The following ERICH1 variants were observed in gnomAD, a reference collection of about 807,000 sequenced individuals.
ERICH1 encodes the protein glutamate-rich protein 1.
ERICH1 carries 56 observed loss-of-function variants against 39.6 expected under a neutral mutation model. That is an observed-to-expected ratio of 1.41 (90% CI 1.14 to 1.77). The LOEUF (loss-of-function observed/expected upper bound fraction) is 1.77, where lower values mean the gene tolerates loss of function less well. ERICH1 is among the 40% of genes most tolerant of loss of function. The probability of loss-of-function intolerance (pLI) is 0.00; values close to 1 mark genes in which losing one functional copy is unlikely to be tolerated. For synonymous variants in ERICH1, 313 were observed against 223.6 expected, an observed-to-expected ratio of 1.40 and a Z score of -3.57; for missense variants, 826 against 575.4, an observed-to-expected ratio of 1.44 and a Z score of -4.45.
chr8:671,677 C>A lies in ERICH1; in HGVS notation c.1063+1612G>T, dbSNP rs950170824. On this transcript the variant is annotated intron_variant, in intron 4 of 5. Coordinates refer to ENST00000262109, the MANE Select transcript of ERICH1 (RefSeq NM_207332.3). Reference sequence around the variant, plus strand: ...AACCTGCCGGCCCCGGCCCTAATGTCTGTGCTCACTGGGCTCCAGGCTGCG... The same window carrying A: ...AACCTGCCGGCCCCGGCCCTAATGTATGTGCTCACTGGGCTCCAGGCTGCG... 7 of 162,112 alleles carry A rather than the reference C, an allele frequency of 4.3e-5. No individual in the cohort carries two copies. The South Asian group carries it at 8.1e-4, about 19-fold the overall frequency. 10.0% of individuals were successfully genotyped at this position (162,112 alleles called of 1,614,324 possible).
chr8:624,284 G>C (rs1797465976), intron 3 of ERICH1, among the ~76,000 whole-genome samples: 1 of 152,112 alleles, frequency 6.6e-6, no homozygotes, highest in Non-Finnish European at 1.5e-5. Context: ...CCACTGAGAT[G>C]AGGAACCAAG....
intron 2 of ERICH1, 138 bp from the exon 3 acceptor site, chr8:692,750 T>C: frequency 7.8e-6 from 8 of 1,025,132 alleles, no homozygotes; most frequent in South Asian, 1.8e-5. Flanking sequence ...ACCTAACCAC[T>C]GTCATAAATA....
chr8:656,656 T>A, intron 3 of ERICH1: 2 of 802,894 alleles, frequency 2.5e-6, no homozygotes, highest in Non-Finnish European at 1.5e-6. Context: ...AGTGTGGAAT[T>A]TTGGGGCTTA....
At chr8:728,623 T>C (rs911256054) in intron 1 of ERICH1, among the ~76,000 whole-genome samples, 4 of 152,154 alleles carry the variant, frequency 2.6e-5, no homozygotes, top group African/African-American at 9.7e-5. Context: ...TCTCCCTGGG[T>C]AGAATGGAGG....
chr8:701,513 C>G (rs1044367119), intron 2 of ERICH1, among the ~76,000 whole-genome samples: 18 of 152,310 alleles, frequency 1.2e-4, no homozygotes, highest in African/African-American at 4.3e-4. Context: ...GACGCAGGCC[C>G]AGGACAGAGC....
At chr8:671,629 T>C (rs1455168687) in intron 4 of ERICH1, among the ~76,000 whole-genome samples, 1 of 151,088 alleles carries the variant, frequency 6.6e-6, no homozygotes, top group Admixed American at 6.6e-5. Context: ...CTGAGCGCAC[T>C]GGTCCCCAGG....
chr8:673,491 C>T lies in ERICH1; in HGVS notation c.861G>A (p.Glu287=). 1 of 1,613,226 alleles carries T rather than the reference C, an allele frequency of 6.2e-7. No homozygotes were observed. Among genetic ancestry groups the T allele is most frequent in the Non-Finnish European group, 8.5e-7 (1 of 1,179,704 alleles). The stretch of plus-strand genomic sequence containing the variant: ...CCTCCCTGGTGTCTTTACCGTCTTC[C>T]TCCCCGGCCCGTGTCAGGTCTTCCT... ...TIEEDLTRAG[E]EDGKDTREED... The change falls in exon 4 of 6, where the codon GAG becomes GAA. Residue 287 remains glutamate (E), a synonymous_variant. Transcript: ENST00000262109.
intron 2 of ERICH1, among the ~76,000 whole-genome samples, chr8:709,423 C>G (rs141374814): frequency 1.3e-5 from 2 of 152,330 alleles, no homozygotes; most frequent in East Asian, 3.9e-4. Context: ...GTGTGCCCAC[C>G]AATCCTGATT....
chr8:664,351 G>T lies in ERICH1; in HGVS notation c.*252C>A, dbSNP rs577514098. On this transcript the variant is annotated 3_prime_UTR_variant, in exon 6 of 6. Coordinates refer to ENST00000262109, the MANE Select transcript of ERICH1 (RefSeq NM_207332.3). ...CCATTTTCAATTTTTACAATAAGTA[G>T]AGAAACAGAATCAAGTTTTATGTAG... 3 of 1,129,832 alleles carry T rather than the reference G, an allele frequency of 2.7e-6. No individual in the cohort carries two copies. The East Asian group carries it at 1.4e-4, about 52-fold the overall frequency. 70.0% of individuals were successfully genotyped at this position (1,129,832 alleles called of 1,614,324 possible).
chr8:620,209 G>A (rs1457224143), intron 3 of ERICH1, among the ~76,000 whole-genome samples: 3 of 152,198 alleles, frequency 2.0e-5, no homozygotes, highest in Non-Finnish European at 4.4e-5. Flanking sequence ...CTACTCAGGA[G>A]GCTGAGGCAG....
intron 2 of ERICH1, among the ~76,000 whole-genome samples, chr8:703,673 C>T (rs17739536): frequency 0.2 from 29,972 of 152,144 alleles, 3,424 homozygotes; most frequent in Middle Eastern, 0.38. Flanking sequence ...AACTCTGAGA[C>T]GCAGTGACAA....
intron 3 of ERICH1, among the ~76,000 whole-genome samples, chr8:656,116 A>G (rs1055642953): frequency 6.6e-6 from 1 of 152,028 alleles, no homozygotes; most frequent in Non-Finnish European, 1.5e-5. Context: ...AGCCATTCCC[A>G]GGTCTTCTCC....
chr8:724,631 A>C (rs1818152121), intron 1 of ERICH1, among the ~76,000 whole-genome samples: 1 of 152,196 alleles, frequency 6.6e-6, no homozygotes, highest in Admixed American at 6.5e-5. Flanking sequence ...GCCGTTCAGC[A>C]AGCTGCTTTA....
Position 708,681 on chromosome 8 carries a change from G to GTTTTTTGTTTTTTTTTTTT in ERICH1, c.169+7179_169+7180insAAAAAAAAAAAACAAAAAA. On this transcript the variant is annotated intron_variant, in intron 2 of 5. Coordinates refer to ENST00000262109, the MANE Select transcript of ERICH1 (RefSeq NM_207332.3). ...GGGCTGAGTGGTTACGGGATAATGA[G>GTTTTTTGTTTTTTTTTTTT]TTTTTTTTTTTTTTTTTTTTTTTTT... Among the ~76,000 whole-genome samples the GTTTTTTGTTTTTTTTTTTT allele has an allele frequency of 7.4e-4, 49 of 65,772 alleles. 3 individuals are homozygous for GTTTTTTGTTTTTTTTTTTT. The highest frequency in any genetic ancestry group is 1.1e-3 in the Non-Finnish European group (37 of 33,644). The allele number at this position is 65,772 out of a possible 152,430, so 43.1% of individuals were successfully genotyped here.
At chr8:683,016 G>A (rs543047806) in intron 3 of ERICH1, among the ~76,000 whole-genome samples, 1 of 152,292 alleles carries the variant, frequency 6.6e-6, no homozygotes, top group South Asian at 2.1e-4. Flanking sequence ...GCTTCCAGTT[G>A]CTGAGTGTGT....
chr8:709,922 G>A (rs994468706), intron 2 of ERICH1, among the ~76,000 whole-genome samples: 1 of 151,864 alleles, frequency 6.6e-6, no homozygotes, highest in African/African-American at 2.4e-5. Flanking sequence ...TAAAACTTTA[G>A]GTAGGTTAGA....
At chr8:718,278 T>A (rs969012141) in intron 1 of ERICH1, among the ~76,000 whole-genome samples, 1 of 152,022 alleles carries the variant, frequency 6.6e-6, no homozygotes, top group South Asian at 2.1e-4. Flanking sequence ...AGGGTACGGA[T>A]TGGAGCGCAC....
intron 1 of ERICH1, among the ~76,000 whole-genome samples, chr8:724,963 A>G (rs1818239827): frequency 6.6e-6 from 1 of 152,112 alleles, no homozygotes; most frequent in African/African-American, 2.4e-5. Context: ...TCCCTGCGCC[A>G]GCCACGAAGG....
intron 3 of ERICH1, among the ~76,000 whole-genome samples, chr8:656,085 G>C (rs955063567): frequency 2.6e-5 from 4 of 152,136 alleles, no homozygotes; most frequent in Non-Finnish European, 5.9e-5. Context: ...TGCCCGCCAG[G>C]TCTGAACTGC....
Sources: allele counts gnomAD v4.1 joint callset (sites outside exome capture counted in the v4.1 genomes callset), GRCh38; gene constraint gnomAD v4.1.1; transcripts MANE v1.5; gene names NCBI Gene and HGNC (gene_info 2026-07-23, HGNC 2026-07-21).